Variants in HHAT observed in about 807,000 individuals in gnomAD.
HHAT encodes the protein protein-cysteine N-palmitoyltransferase HHAT.
A neutral mutation model predicts 70.8 loss-of-function variants in HHAT; 47 were observed. That is an observed-to-expected ratio of 0.66 (90% CI 0.53 to 0.85). The LOEUF (loss-of-function observed/expected upper bound fraction) is 0.85, where lower values mean the gene tolerates loss of function less well. HHAT is among the 40% of genes least tolerant of loss of function. The pLI, the probability that HHAT is intolerant of heterozygous loss-of-function variation, is 0.00. For missense variants in HHAT, 609 were observed against 604.8 expected (o/e 1.01, Z -0.07); for synonymous variants, 228 against 247.6 (o/e 0.92, Z 0.74).
chr1:210,395,658 C>G (rs913717629), intron 4 of HHAT, among the ~76,000 whole-genome samples: 6 of 152,156 alleles, frequency 3.9e-5, no homozygotes, highest in Non-Finnish European at 8.8e-5. Flanking sequence ...ATGTCTCTTC[C>G]ATTCTACCTA....
chr1:210,464,994 C>A (rs934891615), intron 8 of HHAT, among the ~76,000 whole-genome samples: 1 of 152,160 alleles, frequency 6.6e-6, no homozygotes, highest in African/African-American at 2.4e-5. Flanking sequence ...TTGAAAATGA[C>A]ATCAGTGTAT....
At chr1:210,344,127 A>G (rs595606) in intron 1 of HHAT, among the ~76,000 whole-genome samples, 67,461 of 151,942 alleles carry the variant, frequency 0.44, 15,612 homozygotes, top group African/African-American at 0.55. Flanking sequence ...TGTGCTGTCA[A>G]GTGGAGACTA....
chr1:210,454,413 G>T (rs1019801495), intron 7 of HHAT, among the ~76,000 whole-genome samples: 1 of 152,144 alleles, frequency 6.6e-6, no homozygotes, highest in Middle Eastern at 3.2e-3. Flanking sequence ...AATTAGCCGG[G>T]CGTGGTGGCG....
chr1:210,408,225 C>T (rs144194728), intron 6 of HHAT, among the ~76,000 whole-genome samples: 119 of 152,272 alleles, frequency 7.8e-4, no homozygotes, highest in African/African-American at 2.6e-3. Context: ...CTCAGTTGCC[C>T]AGGCTGGAGT....
intron 6 of HHAT, among the ~76,000 whole-genome samples, chr1:210,404,910 A>AT (rs368752510): frequency 1.2e-3 from 183 of 152,190 alleles, no homozygotes; most frequent in African/African-American, 4.3e-3. Flanking sequence ...TCCCACCTTG[A>AT]TTTTCAGTGA....
At chr1:210,464,422 G>A (rs560732228) in intron 7 of HHAT, 83 bp from the exon 8 acceptor site, 1 of 1,386,016 alleles carries the variant, frequency 7.2e-7, no homozygotes, top group Non-Finnish European at 1.0e-6. Flanking sequence ...GGGGCAGTTG[G>A]CATAGCTCCT....
intron 9 of HHAT, among the ~76,000 whole-genome samples, chr1:210,585,716 G>T (rs1020386934): frequency 1.3e-5 from 2 of 152,168 alleles, no homozygotes; most frequent in South Asian, 2.1e-4. Context: ...ACTGCACCCA[G>T]CCAGAACTAG....
At chr1:210,505,625 T>C (rs2094839894) in intron 8 of HHAT, among the ~76,000 whole-genome samples, 1 of 152,146 alleles carries the variant, frequency 6.6e-6, no homozygotes. Flanking sequence ...CGATGTGCTT[T>C]GGTTTTTGCC....
At chr1:210,473,279 C>CT (rs1423546239) in intron 8 of HHAT, among the ~76,000 whole-genome samples, 1 of 152,098 alleles carries the variant, frequency 6.6e-6, no homozygotes, top group Admixed American at 6.5e-5. Context: ...TCTGTTTTGT[C>CT]TTAAGATCTC....
At chr1:210,393,230 C>G (rs570472574) in intron 4 of HHAT, among the ~76,000 whole-genome samples, 1 of 152,280 alleles carries the variant, frequency 6.6e-6, no homozygotes, top group African/African-American at 2.4e-5. Flanking sequence ...TAGATGGTGT[C>G]TGCTGCTGTC....
At chr1:210,648,779 T>C (rs1321844528) in intron 11 of HHAT, among the ~76,000 whole-genome samples, 6 of 152,242 alleles carry the variant, frequency 3.9e-5, no homozygotes, top group Non-Finnish European at 8.8e-5. Flanking sequence ...TGCATGTGTG[T>C]TACTACATAA....
At chr1:210,458,072 T>C (rs2093906467) in intron 7 of HHAT, among the ~76,000 whole-genome samples, 1 of 152,228 alleles carries the variant, frequency 6.6e-6, no homozygotes, top group African/African-American at 2.4e-5. Flanking sequence ...TCTAAAAATT[T>C]ATATGTAGAG....
intron 2 of HHAT, among the ~76,000 whole-genome samples, chr1:210,357,603 T>G (rs1313229767): frequency 1.9e-4 from 29 of 152,126 alleles, no homozygotes. Flanking sequence ...GGGTGGATAA[T>G]GAGGTCAGGA....
intron 11 of HHAT, among the ~76,000 whole-genome samples, chr1:210,638,780 C>CT (rs1672424550): frequency 6.6e-6 from 1 of 150,682 alleles, no homozygotes; most frequent in Admixed American, 6.6e-5. Context: ...TGGCATGTGC[C>CT]TGTAGTCCCA....
At chr1:210,452,379 CCCCTTTTA>C (rs2093773222) in intron 7 of HHAT, among the ~76,000 whole-genome samples, 1 of 152,136 alleles carries the variant, frequency 6.6e-6, no homozygotes, top group South Asian at 2.1e-4. Flanking sequence ...CTCAGTGCCT[CCCCTTTTA>C]GAATATTGCA....
intron 7 of HHAT, among the ~76,000 whole-genome samples, chr1:210,460,373 G>GCT (rs1335764569): frequency 1.3e-5 from 2 of 152,082 alleles, no homozygotes; most frequent in Non-Finnish European, 2.9e-5. Flanking sequence ...GTTGACTCTT[G>GCT]CTAGGGTATA....
At chr1:210,376,014 A>ATTTTTTTT (rs57707354) in intron 3 of HHAT, among the ~76,000 whole-genome samples, 16 of 108,910 alleles carry the variant, frequency 1.5e-4, no homozygotes, top group South Asian at 3.1e-4. Flanking sequence ...TGCACAGCTA[A>ATTTTTTTT]TTTTTTTTTT....
chr1:210,448,041 T>C (rs1394867071), intron 7 of HHAT, among the ~76,000 whole-genome samples: 1 of 151,528 alleles, frequency 6.6e-6, no homozygotes, highest in African/African-American at 2.4e-5. Flanking sequence ...ATCTGCAATG[T>C]GGTGATAGTT....
At chr1:210,512,339 C>T (rs1041062537) in intron 8 of HHAT, among the ~76,000 whole-genome samples, 1 of 152,108 alleles carries the variant, frequency 6.6e-6, no homozygotes, top group African/African-American at 2.4e-5. Context: ...CCCCACCCCC[C>T]CTCACCTGCT....
Sources: allele counts gnomAD v4.1 joint callset (sites outside exome capture counted in the v4.1 genomes callset), GRCh38; gene constraint gnomAD v4.1.1; transcripts MANE v1.5; gene names NCBI Gene and HGNC (gene_info 2026-07-23, HGNC 2026-07-21).